PRKG1: variants seen among roughly 807,000 people sequenced by gnomAD.
The protein encoded by PRKG1 is cGMP-dependent protein kinase 1.
Under a neutral mutation model 88.1 loss-of-function variants are expected in PRKG1, and 35 were observed. The observed-to-expected ratio is 0.40, with a 90% CI of 0.30 to 0.53. PRKG1 has a LOEUF of 0.53. Ranked by LOEUF, PRKG1 falls within the 20% of genes least tolerant of loss-of-function variation. PRKG1 has a pLI of 0.59. For missense variants in PRKG1, 540 were observed against 839.8 expected (o/e 0.64, Z 4.41); for synonymous variants, 303 against 292.5 (o/e 1.04, Z -0.37).
intron 1 of PRKG1, among the ~76,000 whole-genome samples, chr10:51,006,067 G>A (rs556458059): frequency 6.6e-6 from 1 of 152,254 alleles, no homozygotes; most frequent in East Asian, 1.9e-4. Context: ...CTCTGTATGT[G>A]CCCATCTCCC....
At position 51,314,207 on chromosome 10, in the gene PRKG1, C is replaced by T. The variant is rs80073714; in HGVS notation, c.479-153516C>T. On this transcript the variant is annotated intron_variant, in intron 2 of 17. Transcript: ENST00000373980. ...AACGTCATGGTACAGCCAGGGCTTA[C>T]CAGGTGGCATAGGTTTTACATCTCC... is the stretch of plus-strand genomic sequence containing the variant. Among the ~76,000 whole-genome samples the T allele has an allele frequency of 2.6e-4, 39 of 152,256 alleles. No homozygotes were observed. The East Asian group carries it at 5.4e-3, about 21-fold the overall frequency.
intron 3 of PRKG1, among the ~76,000 whole-genome samples, chr10:51,780,592 A>C (rs906006106): frequency 1.3e-5 from 2 of 152,158 alleles, no homozygotes; most frequent in Non-Finnish European, 2.9e-5. Flanking sequence ...ATCGTAAGTA[A>C]CTTTTAATCA....
intron 3 of PRKG1, among the ~76,000 whole-genome samples, chr10:51,735,546 A>G (rs1328850226): frequency 2.0e-5 from 3 of 148,872 alleles, no homozygotes; most frequent in Admixed American, 6.7e-5. Context: ...CACAAGAAAT[A>G]TACAGGCATT....
At chr10:51,772,811 T>G (rs376426430) in intron 3 of PRKG1, among the ~76,000 whole-genome samples, 22 of 152,238 alleles carry the variant, frequency 1.4e-4, no homozygotes, top group African/African-American at 5.3e-4. Context: ...AAGCAAGTTT[T>G]GAAATTAAAT....
chr10:51,916,424 AC>A (rs1842341513), intron 5 of PRKG1, among the ~76,000 whole-genome samples: 1 of 152,162 alleles, frequency 6.6e-6, no homozygotes, highest in Non-Finnish European at 1.5e-5. Flanking sequence ...TGAATAAGCC[AC>A]CCCTTGCTTA....
At chr10:51,982,123 G>A (rs1200205472) in intron 5 of PRKG1, among the ~76,000 whole-genome samples, 1 of 152,028 alleles carries the variant, frequency 6.6e-6, no homozygotes, top group African/African-American at 2.4e-5. Context: ...ACTTGTGATT[G>A]CATTATAAAA....
At chr10:52,227,388 G>T (rs1840413413) in intron 9 of PRKG1, among the ~76,000 whole-genome samples, 1 of 152,028 alleles carries the variant, frequency 6.6e-6, no homozygotes, top group Admixed American at 6.6e-5. Flanking sequence ...ATTAGAAAAA[G>T]TTGCATTTGT....
intron 3 of PRKG1, among the ~76,000 whole-genome samples, chr10:51,751,296 G>C: frequency 6.6e-6 from 1 of 152,178 alleles, no homozygotes; most frequent in East Asian, 1.9e-4. Flanking sequence ...GGAGTGCAGT[G>C]GTGCGATCTC....
Position 51,445,873 on chromosome 10 carries a change from C to T in PRKG1, c.479-21850C>T, listed in dbSNP as rs548073280. 4.0e-5 allele frequency among the ~76,000 whole-genome samples: 6 copies of T among 151,726 alleles called. No individual in the cohort carries two copies. The South Asian group carries it at 1.0e-3, about 26-fold the overall frequency. Reference sequence around the variant, plus strand: ...TAAAACACTCACTTAAAAAAAAAAACTGCTCATCTCTCTGAAGAAATATCT... The same window carrying T: ...TAAAACACTCACTTAAAAAAAAAAATTGCTCATCTCTCTGAAGAAATATCT... On this transcript the variant is annotated intron_variant, in intron 2 of 17. Transcript: ENST00000373980.
In PRKG1 at chr10:51,855,005, T is replaced by C. The variant is rs564788661; in HGVS notation, c.698+50315T>C. Among the ~76,000 whole-genome samples the C allele has an allele frequency of 4.6e-5, 7 of 152,318 alleles. No homozygotes were observed. The East Asian group carries it at 1.4e-3, about 29-fold the overall frequency. ...TAGATTACTGCAAAGTGGATGAGTGTTAAAACCATTTTAAAGCAACTATAG... is the reference window on the plus strand; with the variant it reads ...TAGATTACTGCAAAGTGGATGAGTGCTAAAACCATTTTAAAGCAACTATAG... On this transcript the variant is annotated intron_variant, in intron 4 of 17. Transcript: ENST00000373980.
chr10:51,641,838 T>A (rs992992151), intron 3 of PRKG1, among the ~76,000 whole-genome samples: 1 of 152,176 alleles, frequency 6.6e-6, no homozygotes, highest in Non-Finnish European at 1.5e-5. Context: ...TTTCCTCCTT[T>A]GGAACCCCGT....
intron 3 of PRKG1, among the ~76,000 whole-genome samples, chr10:51,761,407 T>A (rs1028856255): frequency 6.6e-6 from 1 of 152,238 alleles, no homozygotes; most frequent in African/African-American, 2.4e-5. Flanking sequence ...GTATTCTATG[T>A]ATTTGAAAGT....
intron 3 of PRKG1, among the ~76,000 whole-genome samples, chr10:51,670,458 C>T (rs956472627): frequency 4.6e-5 from 7 of 150,942 alleles, no homozygotes; most frequent in African/African-American, 1.5e-4. Context: ...AAGATAAGGC[C>T]GGGCGCGGTG....
intron 3 of PRKG1, among the ~76,000 whole-genome samples, chr10:51,503,693 C>CT (rs1177190509): frequency 6.6e-6 from 1 of 150,562 alleles, no homozygotes; most frequent in Non-Finnish European, 1.5e-5. Context: ...ATTCTTTAAC[C>CT]TCTTCTCTTT....
At chr10:51,233,095 G>A (rs1236611828) in intron 2 of PRKG1, among the ~76,000 whole-genome samples, 1 of 152,170 alleles carries the variant, frequency 6.6e-6, no homozygotes, top group Non-Finnish European at 1.5e-5. Context: ...GCAAGAATGT[G>A]AATGGTAGAG....
intron 2 of PRKG1, among the ~76,000 whole-genome samples, chr10:51,309,424 G>A (rs980034639): frequency 3.3e-5 from 5 of 152,136 alleles, no homozygotes; most frequent in African/African-American, 1.2e-4. Context: ...CCATTAAAAA[G>A]TGGACAAAGG....
intron 3 of PRKG1, among the ~76,000 whole-genome samples, chr10:51,768,508 A>G (rs1417877187): frequency 6.6e-6 from 1 of 152,308 alleles, no homozygotes; most frequent in East Asian, 1.9e-4. Context: ...GCAAGTACCT[A>G]AATTTTATAG....
intron 3 of PRKG1, among the ~76,000 whole-genome samples, chr10:51,760,691 C>T (rs10999320): frequency 0.031 from 4,671 of 151,932 alleles, 111 homozygotes; most frequent in South Asian, 0.051. Context: ...AGTCTGGTCT[C>T]GAACTCTTGA....
At chr10:51,326,600 A>C (rs1339837982) in intron 2 of PRKG1, among the ~76,000 whole-genome samples, 1 of 152,246 alleles carries the variant, frequency 6.6e-6, no homozygotes, top group Non-Finnish European at 1.5e-5. Flanking sequence ...GCCTTTAAAA[A>C]ATAGCTAATT....
Sources: allele counts gnomAD v4.1 joint callset (sites outside exome capture counted in the v4.1 genomes callset), GRCh38; gene constraint gnomAD v4.1.1; transcripts MANE v1.5; gene names NCBI Gene and HGNC (gene_info 2026-07-23, HGNC 2026-07-21).